MAMDC2: variants seen among roughly 807,000 people sequenced by gnomAD.
MAMDC2 encodes the protein MAM domain containing 2.
MAMDC2 carries 57 observed loss-of-function variants against 89.8 expected under a neutral mutation model. The ratio of observed to expected loss-of-function variants is 0.63; its 90% confidence interval spans 0.51 to 0.79. The LOEUF is 0.79. MAMDC2 is among the 30% of genes least tolerant of loss of function. The pLI is 0.00. For missense variants in MAMDC2, 800 were observed against 820.6 expected (o/e 0.97, Z 0.31); for synonymous variants, 313 against 293.4 (o/e 1.07, Z -0.68).
chr9:70,182,249 C>T (rs140490919), intron 11 of MAMDC2, among the ~76,000 whole-genome samples: 2,335 of 152,180 alleles, frequency 0.015, 28 homozygotes, highest in Middle Eastern at 0.055. Context: ...CTGCTGGATT[C>T]GGTTGGTCAG....
intron 11 of MAMDC2, among the ~76,000 whole-genome samples, chr9:70,179,125 G>C (rs942891101): frequency 7.9e-5 from 12 of 151,854 alleles, no homozygotes; most frequent in Non-Finnish European, 1.6e-4. Flanking sequence ...TGTAAAAAAC[G>C]TATTTACTTA....
chr9:70,047,783 A>G (rs532705915), intron 2 of MAMDC2, among the ~76,000 whole-genome samples: 13 of 152,354 alleles, frequency 8.5e-5, no homozygotes, highest in African/African-American at 3.1e-4. Context: ...CTGGGGTTTC[A>G]TCACAGGAGA....
chr9:70,069,454 T>C (rs1044923748), intron 2 of MAMDC2, among the ~76,000 whole-genome samples: 1 of 152,232 alleles, frequency 6.6e-6, no homozygotes, highest in African/African-American at 2.4e-5. Context: ...TTTTTGTGTA[T>C]CAAACAGCCA....
chr9:70,216,985 T>G (rs569818304), intron 11 of MAMDC2, among the ~76,000 whole-genome samples: 118 of 152,302 alleles, frequency 7.7e-4, no homozygotes, highest in African/African-American at 2.6e-3. Flanking sequence ...TCGGACAGAA[T>G]GCATACAATG....
rs778547304 is a variant in MAMDC2, at chr9:70,109,677, T to C, written c.421-43T>C. 3 of 1,454,742 alleles carry C rather than the reference T, an allele frequency of 2.1e-6. No individual in the cohort carries two copies. The South Asian group carries it at 3.5e-5, about 17-fold the overall frequency. The allele number at this position is 1,454,742 out of a possible 1,614,324, so 90.1% of individuals were successfully genotyped here. A position where few individuals can be genotyped will look rare whatever the true frequency, so the allele number is the denominator to read the frequency against. ...GAAATACTGAACCAAGGAAACATGA[T>C]GTTTTGAAGTCTAACTCCCCTTCTT... On this transcript the variant is annotated intron_variant, in intron 3 of 13. Coordinates refer to ENST00000377182, the MANE Select transcript of MAMDC2 (RefSeq NM_153267.5).
chr9:70,220,026 TC>T (rs1267683523), intron 12 of MAMDC2, among the ~76,000 whole-genome samples: 1 of 152,150 alleles, frequency 6.6e-6, no homozygotes, highest in African/African-American at 2.4e-5. Context: ...GCCCCAGAAA[TC>T]TGTTTTAATA....
chr9:70,181,204 G>T (rs1563989694), intron 11 of MAMDC2, among the ~76,000 whole-genome samples: 1 of 152,112 alleles, frequency 6.6e-6, no homozygotes, highest in Non-Finnish European at 1.5e-5. Context: ...CTGTTCCATT[G>T]GTCTATATGT....
At chr9:70,073,097 G>T (rs923812768) in intron 2 of MAMDC2, among the ~76,000 whole-genome samples, 5 of 152,216 alleles carry the variant, frequency 3.3e-5, no homozygotes, top group Non-Finnish European at 5.9e-5. Context: ...GCCTCCCAAA[G>T]TGCTGGGATT....
chr9:70,126,337 A>T lies in MAMDC2; in HGVS notation c.822A>T (p.Glu274Asp). 6.2e-7 allele frequency: 1 copy of T among 1,614,136 alleles called. No homozygotes were observed. ...GGGATGTGGCTGGCCTTTACGAGGAAATCTGGAAAGCAGACAGGCCAGGGA... is the reference window on the plus strand; with the variant it reads ...GGGATGTGGCTGGCCTTTACGAGGATATCTGGAAAGCAGACAGGCCAGGGA... ...YTRDVAGLYE[E>D]IWKADRPGNA... The change falls in exon 6 of 14, where the codon GAA becomes GAT. Residue 274 changes from glutamate to aspartate, a missense_variant. Transcript: ENST00000377182.
intron 11 of MAMDC2, chr9:70,172,513 G>A (rs1431404413): frequency 6.6e-6 from 1 of 152,642 alleles, no homozygotes; most frequent in African/African-American, 2.4e-5. Context: ...CTAACCCTCT[G>A]AGACCACCCG....
chr9:70,190,733 C>G (rs765816994), intron 11 of MAMDC2, among the ~76,000 whole-genome samples: 1 of 152,072 alleles, frequency 6.6e-6, no homozygotes, highest in Non-Finnish European at 1.5e-5. Flanking sequence ...CCACCTCAGG[C>G]AGCTGCAATG....
intron 11 of MAMDC2, among the ~76,000 whole-genome samples, chr9:70,202,206 CCTCTACACA>C (rs1336657236): frequency 6.7e-6 from 1 of 149,484 alleles, no homozygotes; most frequent in African/African-American, 2.5e-5. Flanking sequence ...TATAAATTTC[CCTCTACACA>C]CTGCTTTGAA....
intron 11 of MAMDC2, among the ~76,000 whole-genome samples, chr9:70,216,710 AG>A (rs2033452616): frequency 6.6e-6 from 1 of 152,246 alleles, no homozygotes; most frequent in Non-Finnish European, 1.5e-5. Flanking sequence ...AAGTGATCAA[AG>A]GTTAATACCT....
Position 70,062,858 on chromosome 9 carries a change from T to C in MAMDC2, c.148+18161T>C, listed in dbSNP as rs1349663204. On this transcript the variant is annotated intron_variant, in intron 2 of 13. Transcript: ENST00000377182. ...CTTAGCAGTTTTCAGCAAAAACGGA[T>C]TTTTTTATTCATTCAACAAGTATCT... 2.0e-5 allele frequency: 3 copies of C among 152,144 alleles called. No individual in the cohort carries two copies. In the South Asian group the frequency reaches 6.2e-4, roughly 32 times the overall value. 9.4% of individuals were successfully genotyped at this position (152,144 alleles called of 1,614,324 possible).
At chr9:70,058,487 GT>G (rs1370495265) in intron 2 of MAMDC2, among the ~76,000 whole-genome samples, 2 of 151,988 alleles carry the variant, frequency 1.3e-5, no homozygotes, top group Non-Finnish European at 2.9e-5. Context: ...GGTATATATT[GT>G]TCTCCGTGTT....
intron 8 of MAMDC2, among the ~76,000 whole-genome samples, chr9:70,141,045 T>C (rs2031199256): frequency 6.6e-6 from 1 of 152,168 alleles, no homozygotes; most frequent in South Asian, 2.1e-4. Context: ...CACATATTTA[T>C]ATACTGGAGA....
chr9:70,134,436 T>C (rs1226108153), intron 7 of MAMDC2, among the ~76,000 whole-genome samples: 2 of 151,746 alleles, frequency 1.3e-5, no homozygotes, highest in Non-Finnish European at 2.9e-5. Context: ...CTGTAAATCT[T>C]TGAATGCCTA....
At chr9:70,221,002 G>A (rs761520471) in intron 12 of MAMDC2, among the ~76,000 whole-genome samples, 3 of 152,118 alleles carry the variant, frequency 2.0e-5, no homozygotes, top group South Asian at 2.1e-4. Flanking sequence ...TCATATCACC[G>A]TGGCAGAACT....
intron 11 of MAMDC2, chr9:70,170,859 A>G (rs2032318102): frequency 4.7e-6 from 2 of 421,198 alleles, no homozygotes; most frequent in Non-Finnish European, 4.1e-6. Context: ...AACAGGGCTT[A>G]CAAAGTTCTG....
Sources: allele counts gnomAD v4.1 joint callset (sites outside exome capture counted in the v4.1 genomes callset), GRCh38; gene constraint gnomAD v4.1.1; transcripts MANE v1.5; gene names NCBI Gene and HGNC (gene_info 2026-07-23, HGNC 2026-07-21).